Variants in MDFIC observed in about 807,000 individuals in gnomAD.
MDFIC encodes the protein myoD family inhibitor domain-containing protein.
MDFIC carries 17 observed loss-of-function variants against 23.2 expected under a neutral mutation model. The ratio of observed to expected loss-of-function variants is 0.73; its 90% CI spans 0.50 to 1.10. The LOEUF is 1.10. Among genes scored for constraint, MDFIC ranks in the 50% least tolerant of loss-of-function variants. MDFIC has a pLI of 0.00. For missense variants in MDFIC, 356 were observed against 316.6 expected, an observed-to-expected ratio of 1.12 and a Z score of -0.95; for synonymous variants, 120 against 115.2, an observed-to-expected ratio of 1.04 and a Z score of -0.27.
At chr7:114,994,919 C>T (rs1013570944) in intron 4 of MDFIC, among the ~76,000 whole-genome samples, 5 of 152,172 alleles carry the variant, frequency 3.3e-5, no homozygotes, top group Admixed American at 6.5e-5. Flanking sequence ...GGGATGTTCT[C>T]CTGGATAATA....
rs1389534249 is a variant in MDFIC at position 114,949,625 on chromosome 7, AC to A, written c.217+7230del. 5.9e-5 allele frequency among the ~76,000 whole-genome samples: 9 copies of A among 152,350 alleles called. No individual in the cohort carries two copies. In the East Asian group the frequency reaches 1.7e-3, roughly 29 times the overall value. On this transcript the variant is annotated intron_variant, in intron 3 of 4. Coordinates refer to ENST00000393486, the MANE Select transcript of MDFIC (RefSeq NM_001166345.3). ...CATGAAGACTGAATGCTTACAGTTTACCAACTGAGTTATGTTGGAGATAACA... is the reference window on the plus strand; with the variant it reads ...CATGAAGACTGAATGCTTACAGTTTACAACTGAGTTATGTTGGAGATAACA...
At chr7:114,990,865 G>A (rs2116022078) in intron 4 of MDFIC, among the ~76,000 whole-genome samples, 1 of 152,248 alleles carries the variant, frequency 6.6e-6, no homozygotes, top group Non-Finnish European at 1.5e-5. Flanking sequence ...TATATACCCA[G>A]TAATGGGATG....
rs1463078658 is a variant in MDFIC at position 115,017,307 on chromosome 7, A to G, written c.*1372A>G. 6.6e-6 allele frequency: 1 copy of G among 152,188 alleles called. No individual in the cohort carries two copies. Among genetic ancestry groups the G allele is most frequent in the Admixed American group, 6.5e-5 (1 of 15,274 alleles). 9.4% of individuals were successfully genotyped at this position (152,188 alleles called of 1,614,324 possible). On this transcript the variant is annotated 3_prime_UTR_variant, in exon 5 of 5. Transcript: ENST00000393486. ...CTTAGTAAAATAGCTCTATTTAATA[A>G]AGAAGATTGAGTACTCTGACACATT...
At chr7:114,960,341 C>T (rs1279715936) in intron 3 of MDFIC, among the ~76,000 whole-genome samples, 2 of 152,114 alleles carry the variant, frequency 1.3e-5, no homozygotes, top group Non-Finnish European at 2.9e-5. Flanking sequence ...TTCCTTACTG[C>T]GTTTTCAGGC....
intron 3 of MDFIC, among the ~76,000 whole-genome samples, chr7:114,955,409 C>T (rs568549554): frequency 3.3e-5 from 5 of 152,260 alleles, no homozygotes; most frequent in African/African-American, 9.6e-5. Flanking sequence ...AAGCAAGGCT[C>T]GTGTGATTTC....
At chr7:114,925,852 G>C (rs1792180348) in intron 2 of MDFIC, among the ~76,000 whole-genome samples, 1 of 152,152 alleles carries the variant, frequency 6.6e-6, no homozygotes, top group Non-Finnish European at 1.5e-5. Flanking sequence ...CTGTAGGCTG[G>C]ATATGGCCTC....
chr7:114,972,592 C>G (rs1793227491), intron 3 of MDFIC, among the ~76,000 whole-genome samples: 1 of 152,078 alleles, frequency 6.6e-6, no homozygotes, highest in African/African-American at 2.4e-5. Flanking sequence ...TAATTAGACC[C>G]TGCATTGTAA....
Position 115,018,042 on chromosome 7 carries a change from T to G in MDFIC, c.*2107T>G, listed in dbSNP as rs1791826009. The G allele has an allele frequency of 6.6e-6, 1 of 152,034 alleles. No individual in the cohort carries two copies. Among genetic ancestry groups the G allele is most frequent in the Non-Finnish European group, 1.5e-5 (1 of 67,870 alleles). 9.4% of individuals were successfully genotyped at this position (152,034 alleles called of 1,614,324 possible). ...TCTTTCTTTTATTGCTATTTACACA[T>G]ACATACACACATACAAAACCTTTAA... On this transcript the variant is annotated 3_prime_UTR_variant, in exon 5 of 5. Transcript: ENST00000393486.
rs962452196 is a variant in MDFIC at position 114,942,387 on chromosome 7, A to G, written c.207A>G (p.Glu69=). The change falls in exon 3 of 5, where the codon GAA becomes GAG. Residue 69 remains glutamate, a synonymous_variant. Transcript: ENST00000393486. ...TTTGGGGAAATCCTTCGGATGGTGA[A>G]CTCATTAGAAGTAAGTATTTTTAGA... is the stretch of plus-strand genomic sequence containing the variant. ...QSIWGNPSDG[E]LIRTQPQRLP... is the part of the protein sequence containing the mutation. The G allele has an allele frequency of 1.3e-6, 2 of 1,595,912 alleles. No homozygotes were observed. The highest frequency in any genetic ancestry group is 1.1e-5 in the South Asian group (1 of 87,198).
rs1158504157 is a variant in MDFIC, at chr7:114,922,407, A to AG, written c.-332dup. The AG allele has an allele frequency of 1.6e-6, 2 of 1,238,538 alleles. No homozygotes were observed. Among genetic ancestry groups the AG allele is most frequent in the East Asian group, 6.3e-5 (2 of 31,706 alleles). The allele number at this position is 1,238,538 out of a possible 1,614,324, so 76.7% of individuals were successfully genotyped here. A position where few individuals can be genotyped will look rare whatever the true frequency, so the allele number is the denominator to read the frequency against. On this transcript the variant is annotated 5_prime_UTR_variant, in exon 1 of 5. Transcript: ENST00000393486. The stretch of plus-strand genomic sequence containing the variant: ...CGGCTGGAGTGAGCTGGCTGGAAAG[A>AG]GGGGGCGGAGTGCGCGGAGTCAGAG...
At position 114,990,798 on chromosome 7, in the gene MDFIC, C is replaced by A. The variant is rs527297878; in HGVS notation, c.493+11017C>A. ...AGTCTTTGCTATTGTGAATAGTGCC[C>A]CAATAAACATACATGTGCATGTGTC... is the stretch of plus-strand genomic sequence containing the variant. On this transcript the variant is annotated intron_variant, in intron 4 of 4. Coordinates refer to ENST00000393486, the MANE Select transcript of MDFIC (RefSeq NM_001166345.3). Among the ~76,000 whole-genome samples, 4 of 152,060 alleles carry A rather than the reference C, an allele frequency of 2.6e-5. No individual in the cohort carries two copies. The East Asian group carries it at 5.8e-4, about 22-fold the overall frequency.
chr7:114,955,016 T>A (rs1003015164), intron 3 of MDFIC, among the ~76,000 whole-genome samples: 1 of 152,160 alleles, frequency 6.6e-6, no homozygotes, highest in Non-Finnish European at 1.5e-5. Context: ...ATACCAGATC[T>A]TCCTTCAGGC....
At chr7:114,933,148 A>G (rs1792355334) in intron 2 of MDFIC, among the ~76,000 whole-genome samples, 1 of 152,252 alleles carries the variant, frequency 6.6e-6, no homozygotes, top group African/African-American at 2.4e-5. Context: ...AGAGGTAACA[A>G]AAAGGTTTTT....
intron 3 of MDFIC, among the ~76,000 whole-genome samples, chr7:114,964,673 C>T (rs939778711): frequency 6.6e-5 from 10 of 152,144 alleles, no homozygotes; most frequent in Non-Finnish European, 1.0e-4. Context: ...GCCTCAGCCT[C>T]CTGAGTAGTT....
rs577013159 is a variant in MDFIC, at chr7:114,946,624, A to C, written c.217+4227A>C. On this transcript the variant is annotated intron_variant, in intron 3 of 4. Coordinates refer to ENST00000393486, the MANE Select transcript of MDFIC (RefSeq NM_001166345.3). The stretch of plus-strand genomic sequence containing the variant: ...AAGCAAAGTTAAAATGCTCTACTTA[A>C]ATGGTAATCCCCATTCTATTTAACC... Among the ~76,000 whole-genome samples, 7 of 152,288 alleles carry C rather than the reference A, an allele frequency of 4.6e-5. No individual in the cohort carries two copies. The South Asian group carries it at 1.4e-3, about 32-fold the overall frequency.
At position 115,015,818 on chromosome 7, in the gene MDFIC, G is replaced by A. The variant is rs894222689; in HGVS notation, c.624G>A (p.Met208Ile). Residue 208 changes from methionine to isoleucine, a missense_variant, in exon 5 of 5, where the codon ATG becomes ATA. Transcript: ENST00000393486. ...EACCCCCGDEMGDDCNCPCDM... is the reference protein window; with the variant it reads ...EACCCCCGDEIGDDCNCPCDM... ...GCTGCTGTTGCTGTGGTGACGAGAT[G>A]GGGGATGATTGTAACTGCCCTTGTG... is the stretch of plus-strand genomic sequence containing the variant. 1 of 1,614,202 alleles carries A rather than the reference G, an allele frequency of 6.2e-7. No individual in the cohort carries two copies. Among genetic ancestry groups the A allele is most frequent in the Non-Finnish European group, 8.5e-7 (1 of 1,180,038 alleles).
intron 4 of MDFIC, among the ~76,000 whole-genome samples, chr7:115,012,911 G>A (rs187343644): frequency 6.6e-5 from 10 of 152,136 alleles, no homozygotes; most frequent in Non-Finnish European, 1.5e-4. Context: ...CCCAGGAGGC[G>A]GAGGTTGCAA....
At position 114,922,231 on chromosome 7, in the gene MDFIC, T is replaced by A; in HGVS notation, c.-513T>A. 3.7e-6 allele frequency: 2 copies of A among 542,122 alleles called. No homozygotes were observed. The highest frequency in any genetic ancestry group is 8.8e-5 in the Admixed American group (2 of 22,732). The allele number at this position is 542,122 out of a possible 1,614,324, so 33.6% of individuals were successfully genotyped here. A position where few individuals can be genotyped will look rare whatever the true frequency, so the allele number is the denominator to read the frequency against. On this transcript the variant is annotated 5_prime_UTR_variant, in exon 1 of 5. Coordinates refer to ENST00000393486, the MANE Select transcript of MDFIC (RefSeq NM_001166345.3). ...CGCGGCCGAGCCCGGGTCGCGCCGC[T>A]CCCAGCATCGGGGCCGCTAGCCAAG... is the stretch of plus-strand genomic sequence containing the variant.
At chr7:114,941,675 C>T (rs1345507384) in intron 2 of MDFIC, among the ~76,000 whole-genome samples, 1 of 152,178 alleles carries the variant, frequency 6.6e-6, no homozygotes, top group Non-Finnish European at 1.5e-5. Flanking sequence ...GCCCCAAAGA[C>T]TTTACATTTC....
Sources: gnomAD v4.1 joint callset for allele counts (sites outside exome capture counted in the v4.1 genomes callset) on GRCh38, gnomAD v4.1.1 for gene constraint, MANE v1.5 for transcripts, NCBI Gene and HGNC (gene_info 2026-07-23, HGNC 2026-07-21) for gene names.